Variants in AGBL1 observed in about 807,000 individuals in gnomAD.
The protein encoded by AGBL1 is AGBL carboxypeptidase 1.
In AGBL1, 130 loss-of-function variants were observed where a neutral mutation model predicts 118.9. That is an observed-to-expected ratio of 1.09 (90% CI 0.95 to 1.26). The LOEUF is 1.26. Ranked by LOEUF, AGBL1 falls within the 50% of genes most tolerant of loss-of-function variation. AGBL1 has a pLI of 0.00. For synonymous variants in AGBL1, 555 were observed against 478.9 expected, an observed-to-expected ratio of 1.16 and a Z score of -2.08; for missense variants, 1,584 against 1,298.1, an observed-to-expected ratio of 1.22 and a Z score of -3.38.
downstream of AGBL1, among the ~76,000 whole-genome samples, chr15:87,031,216 CA>C: frequency 6.6e-6 from 1 of 152,008 alleles, no homozygotes; most frequent in African/African-American, 2.4e-5. Flanking sequence ...TATTTTGTCT[CA>C]TTTTTTTCCT....
intron 18 of AGBL1, among the ~76,000 whole-genome samples, chr15:86,514,726 C>T (rs1321933715): frequency 6.6e-6 from 1 of 152,082 alleles, no homozygotes; most frequent in Non-Finnish European, 1.5e-5. Context: ...TTGTTATACC[C>T]CATGTCCACC....
In AGBL1 at chr15:86,794,273, A is replaced by G. The variant is rs192238914; in HGVS notation, c.3159-112814A>G. ...AACAGAATATTATTCAGTCACATAA[A>G]GGAATGAAGTACTGATATAGGCTAC... On this transcript the variant is annotated intron_variant, in intron 22 of 22. Coordinates refer to ENST00000614907, the MANE Select transcript of AGBL1 (RefSeq NM_001386094.1). Among the ~76,000 whole-genome samples, 724 of 152,354 alleles carry G rather than the reference A, an allele frequency of 4.8e-3. 6 individuals carry two copies. Among genetic ancestry groups the G allele is most frequent in the African/African-American group, 0.017 (697 of 41,572 alleles).
intron 17 of AGBL1, among the ~76,000 whole-genome samples, chr15:86,351,484 C>G (rs1845676779): frequency 6.6e-6 from 1 of 152,160 alleles, no homozygotes; most frequent in African/African-American, 2.4e-5. Context: ...TGGCGTTCCT[C>G]TACCATTGTG....
chr15:86,603,568 G>A (rs552226489), intron 21 of AGBL1, among the ~76,000 whole-genome samples: 1 of 152,140 alleles, frequency 6.6e-6, no homozygotes, highest in African/African-American at 2.4e-5. Context: ...CCTGAAATGG[G>A]ATAAAGCTGG....
At chr15:86,395,869 T>A (rs1240952510) in intron 17 of AGBL1, among the ~76,000 whole-genome samples, 1 of 152,074 alleles carries the variant, frequency 6.6e-6, no homozygotes, top group East Asian at 1.9e-4. Flanking sequence ...TGCCTATTCT[T>A]TAGCTCTGTT....
At chr15:86,714,084 T>C (rs2086601882) in intron 22 of AGBL1, among the ~76,000 whole-genome samples, 1 of 152,118 alleles carries the variant, frequency 6.6e-6, no homozygotes, top group South Asian at 2.1e-4. Context: ...CTATGAGGCA[T>C]AGGAGTTATA....
intron 21 of AGBL1, among the ~76,000 whole-genome samples, chr15:86,600,143 A>G (rs2084471362): frequency 6.6e-6 from 1 of 152,140 alleles, no homozygotes; most frequent in African/African-American, 2.4e-5. Flanking sequence ...GTTCTGGGCA[A>G]CATCCTTGGA....
chr15:86,115,046 C>G (rs1215825473), intron 1 of AGBL1, among the ~76,000 whole-genome samples: 1 of 152,184 alleles, frequency 6.6e-6, no homozygotes, highest in Non-Finnish European at 1.5e-5. Flanking sequence ...TAAACACTGC[C>G]TGGCACCTCA....
chr15:86,731,645 C>A (rs543144492), intron 22 of AGBL1, among the ~76,000 whole-genome samples: 1 of 152,272 alleles, frequency 6.6e-6, no homozygotes, highest in Admixed American at 6.5e-5. Flanking sequence ...CAACAAGATA[C>A]AAAGATAGAG....
Position 86,484,597 on chromosome 15 carries a change from G to C in AGBL1, c.2556-38213G>C, listed in dbSNP as rs184007477. Among the ~76,000 whole-genome samples the C allele has an allele frequency of 9.4e-4, 143 of 152,108 alleles. 1 individual carries two copies. Among genetic ancestry groups the C allele is most frequent in the African/African-American group, 3.3e-3 (136 of 41,518 alleles). On this transcript the variant is annotated intron_variant, in intron 18 of 22. Coordinates refer to ENST00000614907, the MANE Select transcript of AGBL1 (RefSeq NM_001386094.1). The stretch of plus-strand genomic sequence containing the variant: ...AACAGGCTGGCTTCTTCCACGTTTC[G>C]GTGCATTTAGTTCGCCTAAGCTTGA...
chr15:86,345,610 A>C (rs909157819), intron 17 of AGBL1, among the ~76,000 whole-genome samples: 56 of 152,318 alleles, frequency 3.7e-4, no homozygotes, highest in African/African-American at 1.3e-3. Flanking sequence ...TTGCAGGGGA[A>C]AGGCAGGTAT....
At position 86,808,895 on chromosome 15, in the gene AGBL1, T is replaced by G. The variant is rs536144696; in HGVS notation, c.3159-98192T>G. ...CAATTATGGATGGATTTTCTCTTTT[T>G]TTCTGAATAATTTATTCAATTACAT... On this transcript the variant is annotated intron_variant, in intron 22 of 22. Transcript: ENST00000614907. Among the ~76,000 whole-genome samples the G allele has an allele frequency of 1.9e-4, 29 of 152,206 alleles. No individual in the cohort carries two copies. The East Asian group carries it at 5.2e-3, about 27-fold the overall frequency.
intron 22 of AGBL1, among the ~76,000 whole-genome samples, chr15:86,833,213 C>T (rs1014159255): frequency 5.3e-5 from 8 of 152,022 alleles, no homozygotes; most frequent in Non-Finnish European, 1.5e-5. Flanking sequence ...CCATATCACC[C>T]ATTTAATGGC....
In AGBL1 at chr15:86,906,763, T is replaced by C. The variant is rs1450183916; in HGVS notation, c.3159-324T>C. Among the ~76,000 whole-genome samples, 5 of 152,038 alleles carry C rather than the reference T, an allele frequency of 3.3e-5. No individual in the cohort carries two copies. The South Asian group carries it at 6.2e-4, about 19-fold the overall frequency. Reference sequence around the variant, plus strand: ...TCTGATTGGAAATAGGGCTAAGAAATGTATACTCTGCTGGCAAAGGAAGAA... The same window carrying C: ...TCTGATTGGAAATAGGGCTAAGAAACGTATACTCTGCTGGCAAAGGAAGAA... On this transcript the variant is annotated intron_variant, in intron 22 of 22. Transcript: ENST00000614907.
intron 18 of AGBL1, among the ~76,000 whole-genome samples, chr15:86,460,724 A>G (rs2082324551): frequency 6.6e-6 from 1 of 152,134 alleles, no homozygotes; most frequent in Admixed American, 6.5e-5. Flanking sequence ...GGCAGAATTA[A>G]TTGGCCTTCC....
intron 22 of AGBL1, among the ~76,000 whole-genome samples, chr15:86,862,774 T>G (rs72751943): frequency 0.043 from 6,548 of 152,270 alleles, 187 homozygotes; most frequent in South Asian, 0.1. Context: ...TTTACCATTT[T>G]GGCCACAAGC....
At position 86,269,943 on chromosome 15, in the gene AGBL1, C is replaced by T. The variant is rs757868182; in HGVS notation, c.1863C>T (p.Asn621=). Residue 621 remains asparagine, a synonymous_variant, in exon 14 of 23, where the codon AAC becomes AAT. Coordinates refer to ENST00000614907, the MANE Select transcript of AGBL1 (RefSeq NM_001386094.1). ...GGTTCGAGTATGACTTGCTGGTCAA[C>T]GCAGATGTGAATAGCACCCAGCACC... ...VREFEYDLLV[N]ADVNSTQHQQ... The T allele has an allele frequency of 2.4e-5, 38 of 1,613,770 alleles. No individual in the cohort carries two copies. The highest frequency in any genetic ancestry group is 1.1e-4 in the East Asian group (5 of 44,890).
intron 21 of AGBL1, among the ~76,000 whole-genome samples, chr15:86,659,540 C>T (rs964315088): frequency 6.6e-6 from 1 of 152,152 alleles, no homozygotes; most frequent in Non-Finnish European, 1.5e-5. Flanking sequence ...CAGTATGCTC[C>T]TATCTTCTGC....
chr15:86,380,161 A>G (rs559698732), intron 17 of AGBL1, among the ~76,000 whole-genome samples: 2 of 152,206 alleles, frequency 1.3e-5, no homozygotes, highest in African/African-American at 2.4e-5. Context: ...TTCTCACATG[A>G]TAGACAACTT....
Sources: allele counts gnomAD v4.1 joint callset (sites outside exome capture counted in the v4.1 genomes callset), GRCh38; gene constraint gnomAD v4.1.1; transcripts MANE v1.5; gene names NCBI Gene and HGNC (gene_info 2026-07-23, HGNC 2026-07-21).